The following KIF13A variants were observed in gnomAD, a reference collection of about 807,000 sequenced individuals.
KIF13A encodes kinesin-like protein KIF13A.
In KIF13A, 79 loss-of-function variants were observed where a neutral mutation model predicts 212.2. That is an observed-to-expected ratio of 0.37 (90% CI 0.31 to 0.45). KIF13A has a LOEUF of 0.45. Ranked by LOEUF, KIF13A falls within the 20% of genes least tolerant of loss-of-function variation. KIF13A has a pLI of 1.00. For missense variants in KIF13A, 1,901 were observed against 2,209.0 expected, an observed-to-expected ratio of 0.86 and a Z score of 2.79; for synonymous variants, 789 against 808.6, an observed-to-expected ratio of 0.98 and a Z score of 0.41.
chr6:17,929,384 T>A (rs892893558), intron 2 of KIF13A, among the ~76,000 whole-genome samples: 6 of 149,700 alleles, frequency 4.0e-5, no homozygotes, highest in Admixed American at 2.7e-4. Context: ...GGACTAGAGG[T>A]GTGTGCAGCA....
At chr6:17,903,906 G>A (rs1195475072) in intron 2 of KIF13A, among the ~76,000 whole-genome samples, 1 of 152,008 alleles carries the variant, frequency 6.6e-6, no homozygotes, top group Non-Finnish European at 1.5e-5. Context: ...TTGGGAGGTG[G>A]TTAGGATCAC....
At position 17,856,153 on chromosome 6, in the gene KIF13A, T is replaced by TA. The variant is rs1157833619; in HGVS notation, c.221-32dup. On this transcript the variant is annotated intron_variant, in intron 4 of 38. Transcript: ENST00000259711. The surrounding 1 kb of genome is among the most constrained non-coding windows in gnomAD (Gnocchi z 4.5). Reference sequence around the variant, plus strand: ...AAACAAGACAAATATTAAAAACTAATAAAAAGAATAATTTTTCTTGACATA... The same window carrying TA: ...AAACAAGACAAATATTAAAAACTAATAAAAAAGAATAATTTTTCTTGACATA... 2.9e-6 allele frequency: 4 copies of TA among 1,373,964 alleles called. No homozygotes were observed. The African/African-American group carries it at 5.8e-5, about 20-fold the overall frequency. The allele number at this position is 1,373,964 out of a possible 1,614,324, so 85.1% of individuals were successfully genotyped here.
intron 2 of KIF13A, among the ~76,000 whole-genome samples, chr6:17,954,894 G>A (rs1228138910): frequency 1.3e-5 from 2 of 152,242 alleles, no homozygotes; most frequent in Admixed American, 6.5e-5. Context: ...GTCCAAGCTG[G>A]TCTCAAACTC....
chr6:17,831,314 C>T, intron 12 of KIF13A, 79 bp from the exon 13 acceptor site: 1 of 1,498,326 alleles, frequency 6.7e-7, no homozygotes, highest in Non-Finnish European at 9.1e-7. Flanking sequence ...AAGAGTAAGT[C>T]ACTGTTTCTG....
chr6:17,791,109 T>C (rs1761501879), intron 25 of KIF13A, among the ~76,000 whole-genome samples: 1 of 139,966 alleles, frequency 7.1e-6, no homozygotes, highest in Non-Finnish European at 1.6e-5. Context: ...AATGAACTGC[T>C]TTTTTTTTTT....
chr6:17,807,782 C>T (rs1011816838), intron 18 of KIF13A, among the ~76,000 whole-genome samples: 15 of 152,124 alleles, frequency 9.9e-5, no homozygotes, highest in Non-Finnish European at 1.3e-4. Flanking sequence ...ATGGTCCTAC[C>T]GATATGTGAT....
chr6:17,873,895 T>C (rs532520902), intron 3 of KIF13A, among the ~76,000 whole-genome samples: 1 of 152,214 alleles, frequency 6.6e-6, no homozygotes, highest in Admixed American at 6.5e-5. Flanking sequence ...CCTGGCCCTA[T>C]GATATTTCTT....
rs1760027756 is a variant in KIF13A, at chr6:17,776,849, G to A, written c.4170+428C>T. Among the ~76,000 whole-genome samples, 1 of 152,248 alleles carries A rather than the reference G, an allele frequency of 6.6e-6. No homozygotes were observed. The highest frequency in any genetic ancestry group is 1.9e-4 in the East Asian group (1 of 5,182). On this transcript the variant is annotated intron_variant, in intron 34 of 38. Transcript: ENST00000259711. The surrounding 1 kb of genome is among the most constrained non-coding windows in gnomAD (Gnocchi z 4.6). Reference sequence around the variant, plus strand: ...ACGAAAATGGTCAAAGGAACAACTAGGGACTCCAAGAGTGCCTACATGCAG... The same window carrying A: ...ACGAAAATGGTCAAAGGAACAACTAAGGACTCCAAGAGTGCCTACATGCAG...
At position 17,799,182 on chromosome 6, in the gene KIF13A, A is replaced by AC; in HGVS notation, c.2790+83_2790+84insG. On this transcript the variant is annotated intron_variant, in intron 22 of 38. Coordinates refer to ENST00000259711, the MANE Select transcript of KIF13A (RefSeq NM_022113.6). This position sits in a 1 kb window ranked among gnomAD's most constrained non-coding sequence, Gnocchi z 4.4. ...CTAATAAACATATTATACTTAAAAC[A>AC]AATGCTTGTGGGGACAACTGATTGT... 1.1e-6 allele frequency: 1 copy of AC among 928,432 alleles called. No individual in the cohort carries two copies. The highest frequency in any genetic ancestry group is 1.5e-6 in the Non-Finnish European group (1 of 667,184). 57.5% of individuals were successfully genotyped at this position (928,432 alleles called of 1,614,324 possible). A position where few individuals can be genotyped will look rare whatever the true frequency, so the allele number is the denominator to read the frequency against.
At chr6:17,795,661 G>A (rs933710110) in intron 23 of KIF13A, among the ~76,000 whole-genome samples, 2 of 151,832 alleles carry the variant, frequency 1.3e-5, no homozygotes, top group Non-Finnish European at 2.9e-5. Context: ...ATTTATCCTG[G>A]GTAAATACCT....
intron 20 of KIF13A, 117 bp downstream of exon 20, chr6:17,804,244 A>T (rs2068477088): frequency 2.3e-6 from 2 of 856,200 alleles, no homozygotes; most frequent in South Asian, 5.1e-5. Flanking sequence ...GACCTTGACT[A>T]TTTGCCTTAG....
intron 32 of KIF13A, 59 bp from the exon 33 acceptor site, chr6:17,779,158 T>C: frequency 2.0e-6 from 3 of 1,493,064 alleles, no homozygotes; most frequent in Non-Finnish European, 1.8e-6. Context: ...TCATCCAAAG[T>C]GTGGTGAGAA....
chr6:17,926,177 C>T lies in KIF13A; in HGVS notation c.147-27997G>A, dbSNP rs1775483021. ...ATCTTGTATTAATATATAGAGTGAC[C>T]AACATTCAGTTCTTGTAAACTTCCA... On this transcript the variant is annotated intron_variant, in intron 2 of 38. Transcript: ENST00000259711. The surrounding 1 kb of genome is among the most constrained non-coding windows in gnomAD (Gnocchi z 4.3). Among the ~76,000 whole-genome samples the T allele has an allele frequency of 6.6e-6, 1 of 152,026 alleles. No homozygotes were observed. Among genetic ancestry groups the T allele is most frequent in the Non-Finnish European group, 1.5e-5 (1 of 67,996 alleles).
rs76051175 is a variant in KIF13A, at chr6:17,816,934, G to C, written c.2000+86C>G. The stretch of plus-strand genomic sequence containing the variant: ...TAAGAGTTCTCTTGTTGCTAGGTTT[G>C]TCCCTGACATGTCTCAAAAACCCCT... On this transcript the variant is annotated intron_variant, in intron 17 of 38. Transcript: ENST00000259711. This position sits in a 1 kb window ranked among gnomAD's most constrained non-coding sequence, Gnocchi z 4.3. 1 of 1,035,676 alleles carries C rather than the reference G, an allele frequency of 9.7e-7. No individual in the cohort carries two copies. The highest frequency in any genetic ancestry group is 1.4e-6 in the Non-Finnish European group (1 of 715,584). 64.2% of individuals were successfully genotyped at this position (1,035,676 alleles called of 1,614,324 possible). A position where few individuals can be genotyped will look rare whatever the true frequency, so the allele number is the denominator to read the frequency against.
chr6:17,817,077 C>T lies in KIF13A; in HGVS notation c.1943G>A (p.Arg648His), dbSNP rs932259103. ...DRQPQSSGPD[R>H]LAYSSQTAQQ... ...CGCTGTCTGGCTGCTGTAGGCCAGGCGGTCAGGGCCGCTACTCTGTGGCTG... is the reference window on the plus strand; with the variant it reads ...CGCTGTCTGGCTGCTGTAGGCCAGGTGGTCAGGGCCGCTACTCTGTGGCTG... Residue 648 changes from arginine (R) to histidine (H), a missense_variant, in exon 17 of 39, where the codon CGC (arginine) becomes CAC (histidine). Transcript: ENST00000259711. The T allele has an allele frequency of 9.3e-6, 15 of 1,613,516 alleles. No homozygotes were observed. The African/African-American group carries it at 9.3e-5, about 10-fold the overall frequency.
chr6:17,772,503 A>T lies in KIF13A; in HGVS notation c.4325-444T>A, dbSNP rs889258947. On this transcript the variant is annotated intron_variant, in intron 36 of 38. Coordinates refer to ENST00000259711, the MANE Select transcript of KIF13A (RefSeq NM_022113.6). The surrounding 1 kb of genome is among the most constrained non-coding windows in gnomAD (Gnocchi z 4.8). ...GGAACAGATGTAGGCAAGAATAGACATAAATCTGTGATGTCACAAAGAGTT... is the reference window on the plus strand; with the variant it reads ...GGAACAGATGTAGGCAAGAATAGACTTAAATCTGTGATGTCACAAAGAGTT... 6.6e-6 allele frequency among the ~76,000 whole-genome samples: 1 copy of T among 152,246 alleles called. No homozygotes were observed. The highest frequency in any genetic ancestry group is 1.5e-5 in the Non-Finnish European group (1 of 68,046).
At chr6:17,929,070 A>C (rs75602870) in intron 2 of KIF13A, among the ~76,000 whole-genome samples, 13 of 52,432 alleles carry the variant, frequency 2.5e-4, no homozygotes, top group South Asian at 6.0e-4. Context: ...AAAAAAAAAA[A>C]AAAAAAAAAA....
chr6:17,769,311 C>T lies in KIF13A; in HGVS notation c.4581+1803G>A, dbSNP rs541607907. Among the ~76,000 whole-genome samples the T allele has an allele frequency of 1.3e-5, 2 of 152,298 alleles. No individual in the cohort carries two copies. The highest frequency in any genetic ancestry group is 3.9e-4 in the East Asian group (2 of 5,190). Reference sequence around the variant, plus strand: ...AATGAATTAAAGAGCCCAATTGCCTCTTAGGTGCAGAGTGCTCAGCAAGCC... The same window carrying T: ...AATGAATTAAAGAGCCCAATTGCCTTTTAGGTGCAGAGTGCTCAGCAAGCC... On this transcript the variant is annotated intron_variant, in intron 38 of 38. Transcript: ENST00000259711. The surrounding 1 kb of genome is among the most constrained non-coding windows in gnomAD (Gnocchi z 5.8).
At chr6:17,913,605 T>C in intron 2 of KIF13A, among the ~76,000 whole-genome samples, 1 of 151,934 alleles carries the variant, frequency 6.6e-6, no homozygotes, top group East Asian at 1.9e-4. Context: ...GTTTCCTTCA[T>C]TCATGTTCTC....
Sources: allele counts gnomAD v4.1 joint callset (sites outside exome capture counted in the v4.1 genomes callset), GRCh38; gene constraint gnomAD v4.1.1; non-coding constraint Gnocchi (gnomAD v3.1); transcripts MANE v1.5; gene names NCBI Gene and HGNC (gene_info 2026-07-23, HGNC 2026-07-21).